Variants in PTPRD observed in about 807,000 individuals in gnomAD.
PTPRD encodes the protein protein tyrosine phosphatase receptor type D, also known as receptor-type tyrosine-protein phosphatase delta.
Under a neutral mutation model 214.5 loss-of-function variants are expected in PTPRD, and 34 were observed. The observed-to-expected ratio is 0.16, with a 90% confidence interval of 0.12 to 0.21. The LOEUF is 0.21. PTPRD is among the 10% of genes least tolerant of loss of function. The pLI is 1.00. For synonymous variants in PTPRD, 1,128 were observed against 845.7 expected, an observed-to-expected ratio of 1.33 and a Z score of -5.79; for missense variants, 2,545 against 2,398.7, an observed-to-expected ratio of 1.06 and a Z score of -1.27.
chr9:8,566,970 T>A (rs1448364032), intron 14 of PTPRD, among the ~76,000 whole-genome samples: 1 of 152,186 alleles, frequency 6.6e-6, no homozygotes, highest in Non-Finnish European at 1.5e-5. Context: ...AATACCCTTT[T>A]GCAAGGTATG....
intron 21 of PTPRD, among the ~76,000 whole-genome samples, chr9:8,511,227 C>T (rs1435005910): frequency 1.3e-5 from 2 of 152,144 alleles, no homozygotes; most frequent in Non-Finnish European, 2.9e-5. Context: ...TGCCATAACA[C>T]CCGGCTAATT....
chr9:10,273,763 C>G (rs7862003), intron 3 of PTPRD, among the ~76,000 whole-genome samples: 26,305 of 151,942 alleles, frequency 0.17, 2,343 homozygotes, highest in African/African-American at 0.21. Flanking sequence ...TATTAAATGT[C>G]ACAGTGTAGA....
At chr9:10,558,696 T>C (rs1307501140) in intron 2 of PTPRD, among the ~76,000 whole-genome samples, 3 of 152,204 alleles carry the variant, frequency 2.0e-5, no homozygotes, top group South Asian at 4.1e-4. Flanking sequence ...TATTTTTGTA[T>C]TGCAAGTGCT....
intron 2 of PTPRD, among the ~76,000 whole-genome samples, chr9:10,395,305 A>C (rs919457736): frequency 6.6e-6 from 1 of 150,446 alleles, no homozygotes; most frequent in Non-Finnish European, 1.5e-5. Flanking sequence ...CCTGTGTCCA[A>C]GTGTTCTCAT....
chr9:10,353,078 A>T (rs1043885319), intron 2 of PTPRD, among the ~76,000 whole-genome samples: 4 of 151,992 alleles, frequency 2.6e-5, no homozygotes, highest in African/African-American at 9.7e-5. Flanking sequence ...CAGAAAATCA[A>T]ATTTTCAAAC....
intron 4 of PTPRD, among the ~76,000 whole-genome samples, chr9:9,945,364 G>A (rs1357555999): frequency 6.6e-6 from 1 of 152,086 alleles, no homozygotes; most frequent in Non-Finnish European, 1.5e-5. Context: ...GGTGATGAAA[G>A]GAAAAGAGAT....
chr9:9,936,647 C>T (rs1409439105), intron 5 of PTPRD, among the ~76,000 whole-genome samples: 13 of 132,106 alleles, frequency 9.8e-5, no homozygotes, highest in Admixed American at 7.7e-5. Context: ...CTAGTTCAAC[C>T]ATTGTGGAAG....
At chr9:10,116,040 A>T (rs916303418) in intron 3 of PTPRD, among the ~76,000 whole-genome samples, 1 of 152,130 alleles carries the variant, frequency 6.6e-6, no homozygotes, top group African/African-American at 2.4e-5. Context: ...TTATTAGGGA[A>T]CAAAATCTGC....
chr9:10,378,979 T>C (rs1306343500), intron 2 of PTPRD, among the ~76,000 whole-genome samples: 1 of 152,040 alleles, frequency 6.6e-6, no homozygotes, highest in African/African-American at 2.4e-5. Flanking sequence ...TTTGGTGTCC[T>C]CTTCAATTTC....
intron 2 of PTPRD, among the ~76,000 whole-genome samples, chr9:10,355,760 G>C (rs2097265759): frequency 6.6e-6 from 1 of 152,048 alleles, no homozygotes; most frequent in Non-Finnish European, 1.5e-5. Flanking sequence ...TTACAGGCGT[G>C]AGCCACCGCG....
In PTPRD at chr9:8,939,168, TAA is replaced by T. The variant is rs1588462653; in HGVS notation, c.-104+79527_-104+79528del. 2.0e-5 allele frequency among the ~76,000 whole-genome samples: 3 copies of T among 152,206 alleles called. No homozygotes were observed. In the East Asian group the frequency reaches 5.8e-4, roughly 29 times the overall value. On this transcript the variant is annotated intron_variant, in intron 11 of 45. Coordinates refer to ENST00000381196, the MANE Select transcript of PTPRD (RefSeq NM_002839.4). ...TGTCATATTATTCATGCTGATAATT[TAA>T]GTCTATTGTTTATTGCCACTGAAAC...
At chr9:9,861,394 G>A (rs372247050) in intron 5 of PTPRD, among the ~76,000 whole-genome samples, 3 of 152,044 alleles carry the variant, frequency 2.0e-5, no homozygotes, top group Non-Finnish European at 4.4e-5. Flanking sequence ...AGGTTCAAGC[G>A]ATTCTCCTGC....
At chr9:10,527,117 A>C (rs1263383010) in intron 2 of PTPRD, among the ~76,000 whole-genome samples, 1 of 152,194 alleles carries the variant, frequency 6.6e-6, no homozygotes, top group Non-Finnish European at 1.5e-5. Flanking sequence ...AATTGGAAAG[A>C]GTTATTTATC....
At chr9:10,536,591 T>C (rs2057849200) in intron 2 of PTPRD, among the ~76,000 whole-genome samples, 1 of 152,158 alleles carries the variant, frequency 6.6e-6, no homozygotes, top group African/African-American at 2.4e-5. Context: ...GCTCAATCAA[T>C]GTGCTTTCTG....
intron 8 of PTPRD, among the ~76,000 whole-genome samples, chr9:9,486,983 T>A (rs565981488): frequency 3.6e-4 from 55 of 152,328 alleles, no homozygotes; most frequent in Non-Finnish European, 5.9e-4. Flanking sequence ...TCTTTTCTGG[T>A]GCCAGTACCA....
intron 12 of PTPRD, among the ~76,000 whole-genome samples, chr9:8,672,558 T>C (rs367683497): frequency 1.3e-5 from 2 of 152,120 alleles, no homozygotes; most frequent in East Asian, 1.9e-4. Context: ...TAATTACTCA[T>C]TAATTTGCTA....
At chr9:9,521,284 G>A (rs1469748531) in intron 8 of PTPRD, among the ~76,000 whole-genome samples, 2 of 152,090 alleles carry the variant, frequency 1.3e-5, no homozygotes, top group Non-Finnish European at 2.9e-5. Context: ...CAATTTCGTG[G>A]TCTGCATTCC....
chr9:8,994,318 T>C (rs914481482), intron 11 of PTPRD, among the ~76,000 whole-genome samples: 1 of 152,144 alleles, frequency 6.6e-6, no homozygotes, highest in East Asian at 1.9e-4. Context: ...GTGATTTAGT[T>C]AGTTCTTTAA....
At chr9:9,991,867 C>T (rs1046576397) in intron 4 of PTPRD, among the ~76,000 whole-genome samples, 3 of 141,238 alleles carry the variant, frequency 2.1e-5, no homozygotes, top group East Asian at 2.1e-4. Context: ...CACACACACA[C>T]ACGAGTTCCA....
Sources: gnomAD v4.1 joint callset for allele counts (sites outside exome capture counted in the v4.1 genomes callset) on GRCh38, gnomAD v4.1.1 for gene constraint, MANE v1.5 for transcripts, NCBI Gene and HGNC (gene_info 2026-07-23, HGNC 2026-07-21) for gene names.